Variants in DIAPH1 observed in about 807,000 individuals in gnomAD.
The protein encoded by DIAPH1 is protein diaphanous homolog 1.
DIAPH1 carries 46 observed loss-of-function variants against 140.7 expected under a neutral mutation model. The observed-to-expected ratio is 0.33, with a 90% CI of 0.26 to 0.42. The LOEUF (loss-of-function observed/expected upper bound fraction) is 0.42, where lower values mean the gene tolerates loss of function less well. Among genes scored for constraint, DIAPH1 ranks in the 10% least tolerant of loss-of-function variants. DIAPH1 has a pLI of 1.00. For synonymous variants in DIAPH1, 565 were observed against 551.6 expected (o/e 1.02, Z -0.34); for missense variants, 1,310 against 1,558.7 (o/e 0.84, Z 2.69).
Position 141,527,710 on chromosome 5 carries a change from A to AAAAAAAAAAAC in DIAPH1, c.3149-14_3149-13insGTTTTTTTTTT. On this transcript the variant is annotated splice_polypyrimidine_tract_variant and intron_variant, in intron 23 of 27. Coordinates refer to ENST00000389054, the MANE Select transcript of DIAPH1 (RefSeq NM_005219.5). ...TTTTCAGCAGAAACTAAAAAAAAAA[A>AAAAAAAAAAAC]AAAAAAAAAAAACCATAAAAACAGA... 1 of 1,566,572 alleles carries AAAAAAAAAAAC rather than the reference A, an allele frequency of 6.4e-7. No homozygotes were observed. The highest frequency in any genetic ancestry group is 8.6e-7 in the Non-Finnish European group (1 of 1,158,324).
intron 18 of DIAPH1, among the ~76,000 whole-genome samples, chr5:141,541,134 C>T (rs1022499089): frequency 1.1e-4 from 17 of 152,150 alleles, no homozygotes; most frequent in South Asian, 2.1e-4. Flanking sequence ...ACTATGACAT[C>T]CACTGTGAGA....
intron 18 of DIAPH1, among the ~76,000 whole-genome samples, chr5:141,534,914 CTATTTAAAAATCCAACT>C (rs912738683): frequency 6.6e-6 from 1 of 152,102 alleles, no homozygotes; most frequent in African/African-American, 2.4e-5. Flanking sequence ...CCTTTTGTGC[CTATTTAAAAATCCAACT>C]TATCTTTCAA....
intron 18 of DIAPH1, among the ~76,000 whole-genome samples, chr5:141,544,769 C>T (rs1295055528): frequency 6.6e-6 from 1 of 152,188 alleles, no homozygotes; most frequent in Non-Finnish European, 1.5e-5. Context: ...AAAGCATTTG[C>T]AACTCTCATA....
At chr5:141,599,579 T>C (rs2099899828) in intron 1 of DIAPH1, among the ~76,000 whole-genome samples, 1 of 152,174 alleles carries the variant, frequency 6.6e-6, no homozygotes, top group Admixed American at 6.5e-5. Context: ...GCCTCCTGAG[T>C]AGCTGGGATT....
At chr5:141,569,980 A>G (rs1458742134) in intron 18 of DIAPH1, among the ~76,000 whole-genome samples, 1 of 152,150 alleles carries the variant, frequency 6.6e-6, no homozygotes. Context: ...ATCTTTTACT[A>G]AAGTTTTCTT....
At chr5:141,594,286 C>T (rs753666617) in intron 1 of DIAPH1, among the ~76,000 whole-genome samples, 16 of 152,212 alleles carry the variant, frequency 1.1e-4, no homozygotes, top group Non-Finnish European at 1.9e-4. Context: ...GAAATGTTTA[C>T]AGCAGCTTTA....
chr5:141,549,368 C>T (rs2099891346), intron 18 of DIAPH1, among the ~76,000 whole-genome samples: 1 of 151,900 alleles, frequency 6.6e-6, no homozygotes, highest in African/African-American at 2.4e-5. Flanking sequence ...CTAAAAATAT[C>T]CAATAATTTA....
At chr5:141,579,003 A>G in intron 9 of DIAPH1, 85 bp downstream of exon 9, 1 of 990,434 alleles carries the variant, frequency 1.0e-6, no homozygotes, top group Non-Finnish European at 1.6e-6. Context: ...GAGGCACTCC[A>G]TGTATTTTAT....
intron 1 of DIAPH1, among the ~76,000 whole-genome samples, chr5:141,617,979 A>G (rs1281731354): frequency 6.6e-6 from 1 of 152,236 alleles, no homozygotes; most frequent in East Asian, 1.9e-4. Flanking sequence ...TATAAAAAAC[A>G]ATTCAATTAC....
intron 1 of DIAPH1, among the ~76,000 whole-genome samples, chr5:141,610,651 T>G (rs1049918622): frequency 6.6e-6 from 1 of 151,018 alleles, no homozygotes; most frequent in Non-Finnish European, 1.5e-5. Context: ...GACAGGCTGG[T>G]CTCTTGGCCA....
intron 1 of DIAPH1, among the ~76,000 whole-genome samples, chr5:141,596,397 G>T (rs1046119861): frequency 6.6e-6 from 1 of 151,998 alleles, no homozygotes; most frequent in Non-Finnish European, 1.5e-5. Flanking sequence ...CACCTACTCA[G>T]GAGGCTGAGG....
intron 13 of DIAPH1, 82 bp downstream of exon 13, chr5:141,576,674 C>G: frequency 1.0e-6 from 1 of 1,003,066 alleles, no homozygotes; most frequent in Non-Finnish European, 1.6e-6. Flanking sequence ...AAGGTATCTT[C>G]TCTGACATTT....
At chr5:141,583,930 C>T (rs1190564094) in intron 4 of DIAPH1, among the ~76,000 whole-genome samples, 194 bp downstream of exon 4, 1 of 152,064 alleles carries the variant, frequency 6.6e-6, no homozygotes, top group Non-Finnish European at 1.5e-5. Context: ...TTACATACTT[C>T]ATGAAAATTT....
chr5:141,530,800 T>G, intron 19 of DIAPH1, among the ~76,000 whole-genome samples: 1 of 152,200 alleles, frequency 6.6e-6, no homozygotes, highest in East Asian at 1.9e-4. Flanking sequence ...CCTTTTGGAA[T>G]CGCCTAGAAG....
intron 1 of DIAPH1, among the ~76,000 whole-genome samples, chr5:141,595,016 G>A (rs1335317878): frequency 6.6e-6 from 1 of 151,034 alleles, no homozygotes; most frequent in African/African-American, 2.4e-5. Flanking sequence ...ACTCCAGCCT[G>A]GGCGACAAGA....
intron 27 of DIAPH1, chr5:141,518,910 C>CA: frequency 6.5e-7 from 1 of 1,547,846 alleles, no homozygotes; most frequent in African/African-American, 1.4e-5. Context: ...GCCCATAGAT[C>CA]AAGCAGGGAA....
chr5:141,517,514 G>A (rs2099885872), intron 27 of DIAPH1, among the ~76,000 whole-genome samples: 1 of 152,106 alleles, frequency 6.6e-6, no homozygotes, highest in South Asian at 2.1e-4. Context: ...AGAGACTCCC[G>A]CAAAGAGGAA....
At chr5:141,539,804 A>C (rs1257942452) in intron 18 of DIAPH1, among the ~76,000 whole-genome samples, 1 of 151,482 alleles carries the variant, frequency 6.6e-6, no homozygotes, top group African/African-American at 2.4e-5. Context: ...TTCTGATTCA[A>C]GTCTCTCTTT....
In DIAPH1 at chr5:141,526,375, C is replaced by T. The variant is rs727504670; in HGVS notation, c.3360G>A (p.Glu1120=). ...ACTTCTTGGGGTCAAAGAGGAAGTA[C>T]TCGCCCAGCTCCTTATAGAGGGTCT... ...NMETLYKELG[E]YFLFDPKKLS... Residue 1120 remains glutamate, a synonymous_variant, in exon 25 of 28, where the codon GAG becomes GAA. Coordinates refer to ENST00000389054, the MANE Select transcript of DIAPH1 (RefSeq NM_005219.5). 9.3e-6 allele frequency: 15 copies of T among 1,614,068 alleles called. No individual in the cohort carries two copies. Among genetic ancestry groups the T allele is most frequent in the African/African-American group, 1.3e-5 (1 of 74,920 alleles).
Sources: allele counts gnomAD v4.1 joint callset (sites outside exome capture counted in the v4.1 genomes callset), GRCh38; gene constraint gnomAD v4.1.1; transcripts MANE v1.5; gene names NCBI Gene and HGNC (gene_info 2026-07-23, HGNC 2026-07-21).